The following DRC11 variants were observed in gnomAD, a reference collection of about 807,000 sequenced individuals.
DRC11 encodes the protein IQ and AAA domain-containing protein 1.
the DRC11 span, among the ~76,000 whole-genome samples, chr2:236,421,903 A>T: frequency 6.6e-6 from 1 of 152,244 alleles, no homozygotes; most frequent in East Asian, 1.9e-4. Context: ...CTGGTTCAAC[A>T]TATGTAAATC....
chr2:236,373,437 G>A, the DRC11 span, among the ~76,000 whole-genome samples: 1 of 151,912 alleles, frequency 6.6e-6, no homozygotes, highest in South Asian at 2.1e-4. Flanking sequence ...TTTTTGCAGA[G>A]ATGGTGTTCC....
At chr2:236,419,407 C>T in the DRC11 span, 2 of 1,344,694 alleles carry the variant, frequency 1.5e-6, no homozygotes, top group Admixed American at 3.5e-5. This position sits in a 1 kb window ranked among gnomAD's most constrained non-coding sequence, Gnocchi z 4.8. Flanking sequence ...CAGGCCGACC[C>T]CTTCTGGGGC....
At chr2:236,490,503 T>C in the DRC11 span, among the ~76,000 whole-genome samples, 1 of 152,204 alleles carries the variant, frequency 6.6e-6, no homozygotes, top group Non-Finnish European at 1.5e-5. The surrounding 1 kb of genome is among the most constrained non-coding windows in gnomAD (Gnocchi z 5.5). Flanking sequence ...ATAATGCACT[T>C]GTCAAGTTAG....
the DRC11 span, among the ~76,000 whole-genome samples, chr2:236,388,075 C>A: frequency 6.6e-6 from 1 of 152,174 alleles, no homozygotes; most frequent in Non-Finnish European, 1.5e-5. Context: ...CCCGACCTTT[C>A]TCTCTGGCTG....
chr2:236,493,823 C>T, the DRC11 span: 1 of 1,608,638 alleles, frequency 6.2e-7, no homozygotes, highest in Non-Finnish European at 8.5e-7. Flanking sequence ...AATTTTCTCT[C>T]TTCCTTTTAT....
chr2:236,331,649 G>GT, the DRC11 span: 1 of 1,362,396 alleles, frequency 7.3e-7, no homozygotes, highest in African/African-American at 1.4e-5. The surrounding 1 kb of genome is among the most constrained non-coding windows in gnomAD (Gnocchi z 4.8). Flanking sequence ...AGAGAAATCA[G>GT]TGCCAGTTTC....
At chr2:236,408,910 C>T in the DRC11 span, 60 of 663,328 alleles carry the variant, frequency 9.0e-5, no homozygotes, top group Admixed American at 1.3e-4. The surrounding 1 kb of genome is among the most constrained non-coding windows in gnomAD (Gnocchi z 5.5). Context: ...ACTTCTTGCA[C>T]GATGTGGGTC....
chr2:236,412,060 G>GA, the DRC11 span, among the ~76,000 whole-genome samples: 42 of 150,436 alleles, frequency 2.8e-4, no homozygotes, highest in East Asian at 7.1e-3. Context: ...AAAAAAAAAA[G>GA]AAAAAAAAAT....
the DRC11 span, among the ~76,000 whole-genome samples, chr2:236,388,697 G>C: frequency 6.6e-6 from 1 of 150,760 alleles, no homozygotes; most frequent in African/African-American, 2.4e-5. Flanking sequence ...TTGTTCCATT[G>C]CTGGTGAGGA....
the DRC11 span, among the ~76,000 whole-genome samples, chr2:236,400,849 C>G: frequency 6.6e-6 from 1 of 152,156 alleles, no homozygotes; most frequent in African/African-American, 2.4e-5. The surrounding 1 kb of genome is among the most constrained non-coding windows in gnomAD (Gnocchi z 7.9). Context: ...GGTATTTCTC[C>G]TCTCTCTCCC....
the DRC11 span, chr2:236,497,056 T>C: frequency 1.1e-5 from 10 of 876,598 alleles, no homozygotes; most frequent in Admixed American, 2.3e-4. This position sits in a 1 kb window ranked among gnomAD's most constrained non-coding sequence, Gnocchi z 5.1. Flanking sequence ...GTACACCAAC[T>C]AGTAAACACG....
At chr2:236,430,198 A>AACACAC in the DRC11 span, among the ~76,000 whole-genome samples, 3,107 of 149,178 alleles carry the variant, frequency 0.021, 38 homozygotes, top group East Asian at 0.044. The surrounding 1 kb of genome is among the most constrained non-coding windows in gnomAD (Gnocchi z 6.0). Context: ...ATATACATAT[A>AACACAC]ACACACACAC....
the DRC11 span, among the ~76,000 whole-genome samples, chr2:236,394,086 A>AG: frequency 6.6e-6 from 1 of 152,222 alleles, no homozygotes; most frequent in African/African-American, 2.4e-5. The surrounding 1 kb of genome is among the most constrained non-coding windows in gnomAD (Gnocchi z 7.0). Flanking sequence ...GCCATCCCCC[A>AG]GGAAGCAGAG....
the DRC11 span, among the ~76,000 whole-genome samples, chr2:236,410,058 G>A: frequency 1.3e-5 from 2 of 151,952 alleles, no homozygotes; most frequent in African/African-American, 4.8e-5. Flanking sequence ...AAGGATATTG[G>A]TCTAAAATTC....
the DRC11 span, chr2:236,497,281 C>G: frequency 3.7e-6 from 6 of 1,613,826 alleles, no homozygotes; most frequent in Non-Finnish European, 5.1e-6. This position sits in a 1 kb window ranked among gnomAD's most constrained non-coding sequence, Gnocchi z 5.1. Context: ...CAGGACTTTC[C>G]TGATCAGTAT....
chr2:236,357,647 T>C, the DRC11 span, among the ~76,000 whole-genome samples: 1 of 126,206 alleles, frequency 7.9e-6, no homozygotes, highest in Non-Finnish European at 1.6e-5. Context: ...TATGTAAATA[T>C]ATAAATTATA....
At chr2:236,361,504 G>T in the DRC11 span, among the ~76,000 whole-genome samples, 1 of 152,106 alleles carries the variant, frequency 6.6e-6, no homozygotes, top group Non-Finnish European at 1.5e-5. The surrounding 1 kb of genome is among the most constrained non-coding windows in gnomAD (Gnocchi z 5.7). Flanking sequence ...AACATTTATA[G>T]ATGTAAAATG....
the DRC11 span, among the ~76,000 whole-genome samples, chr2:236,347,647 C>T: frequency 7.3e-5 from 11 of 151,578 alleles, no homozygotes; most frequent in Non-Finnish European, 1.2e-4. Context: ...AAACATCGTA[C>T]GTTCTCACTA....
chr2:236,499,682 G>A, the DRC11 span, among the ~76,000 whole-genome samples: 2 of 152,116 alleles, frequency 1.3e-5, no homozygotes, highest in Non-Finnish European at 2.9e-5. This position sits in a 1 kb window ranked among gnomAD's most constrained non-coding sequence, Gnocchi z 4.7. Flanking sequence ...CACCTGTCCT[G>A]GCCTCCCAAA....
Sources: gnomAD v4.1 joint callset for allele counts (sites outside exome capture counted in the v4.1 genomes callset) on GRCh38, gnomAD v4.1.1 for gene constraint, Gnocchi (gnomAD v3.1) non-coding constraint, MANE v1.5 for transcripts, NCBI Gene and HGNC (gene_info 2026-07-23, HGNC 2026-07-21) for gene names.